The following SPIRE2 variants were observed in gnomAD, a reference collection of about 807,000 sequenced individuals.
SPIRE2 encodes the protein spire type actin nucleation factor 2, also known as protein spire homolog 2.
SPIRE2 carries 76 observed loss-of-function variants against 80.7 expected under a neutral mutation model. The observed-to-expected ratio is 0.94, with a 90% CI of 0.78 to 1.14. SPIRE2 has a LOEUF of 1.14. SPIRE2 is among the 50% of genes most tolerant of loss of function. SPIRE2 has a pLI of 0.00. For synonymous variants in SPIRE2, 535 were observed against 432.6 expected, an observed-to-expected ratio of 1.24 and a Z score of -2.94; for missense variants, 1,196 against 1,015.3, an observed-to-expected ratio of 1.18 and a Z score of -2.42.
At chr16:89,854,164 G>C (rs1044070083) in intron 3 of SPIRE2, 122 bp from the exon 4 acceptor site, 1 of 907,784 alleles carries the variant, frequency 1.1e-6, no homozygotes, top group African/African-American at 1.7e-5. Context: ...ATGCCCAGCT[G>C]TCTCTTTTCC....
chr16:89,855,278 C>T (rs1461606559), intron 5 of SPIRE2, among the ~76,000 whole-genome samples: 1 of 152,150 alleles, frequency 6.6e-6, no homozygotes, highest in African/African-American at 2.4e-5. Context: ...TCATGGAGCC[C>T]TTAGGAGGCG....
intron 10 of SPIRE2, 99 bp downstream of exon 10, chr16:89,860,894 T>TCTG (rs1356716629): frequency 5.7e-5 from 41 of 720,084 alleles, no homozygotes; most frequent in Non-Finnish European, 8.3e-5. Context: ...TCTGAGCACC[T>TCTG]GTCTGGGGGG....
chr16:89,850,159 C>T (rs2041608097), intron 2 of SPIRE2, 145 bp from the exon 3 acceptor site: 2 of 750,102 alleles, frequency 2.7e-6, no homozygotes, highest in African/African-American at 1.7e-5. Flanking sequence ...TCATCCGGTC[C>T]ATGTCTTGCT....
At chr16:89,831,863 G>C (rs1247822990) in intron 1 of SPIRE2, among the ~76,000 whole-genome samples, 2 of 151,250 alleles carry the variant, frequency 1.3e-5, no homozygotes, top group Non-Finnish European at 1.5e-5. Flanking sequence ...CTGGGGTTCT[G>C]CTGTTTCGCA....
chr16:89,828,754 CG>C lies in SPIRE2; in HGVS notation c.208del (p.Asp70ThrfsTer21). On this transcript the variant is annotated frameshift_variant, in exon 1 of 15. Transcript: ENST00000378247. LOFTEE classifies it high-confidence loss of function. This position sits in a 1 kb window ranked among gnomAD's most constrained non-coding sequence, Gnocchi z 5.9. ...LRDTGDLLLR[G>X]DGSVGAREPE... ...GGGATACCGGGGACCTCCTGCTGCG[CG>C]GGGACGGCTCGGTCGGGGCGCGGGA... 1 of 1,205,674 alleles carries C rather than the reference CG, an allele frequency of 8.3e-7. No homozygotes were observed. Among genetic ancestry groups the C allele is most frequent in the Non-Finnish European group, 1.0e-6 (1 of 970,996 alleles). 74.7% of individuals were successfully genotyped at this position (1,205,674 alleles called of 1,614,324 possible).
At chr16:89,853,911 C>A (rs8061474) in intron 3 of SPIRE2, among the ~76,000 whole-genome samples, 1 of 152,264 alleles carries the variant, frequency 6.6e-6, no homozygotes, top group Admixed American at 6.5e-5. Context: ...TCACCCAAGC[C>A]ATGCACAAAG....
chr16:89,856,195 G>A lies in SPIRE2; in HGVS notation c.1061G>A (p.Arg354Gln), dbSNP rs573573061. The change falls in exon 7 of 15, where the codon CGG becomes CAG. Residue 354 changes from arginine to glutamine, a missense_variant. Physicochemically the swap from Arg to Gln is conservative, Grantham distance 43. Coordinates refer to ENST00000378247, the MANE Select transcript of SPIRE2 (RefSeq NM_032451.2). ...ATCCTGGAGGAGATCAAGCAGGAGC[G>A]GAGGCTGCGCCCGGTGCGGGGCGAG... ...EKILEEIKQE[R>Q]RLRPVRGEGW... is the part of the protein sequence containing the mutation. 3.3e-5 allele frequency: 53 copies of A among 1,602,092 alleles called. No homozygotes were observed. Among genetic ancestry groups the A allele is most frequent in the African/African-American group, 2.7e-4 (20 of 74,920 alleles).
chr16:89,831,288 C>T (rs917073944), intron 1 of SPIRE2, among the ~76,000 whole-genome samples: 7 of 150,798 alleles, frequency 4.6e-5, no homozygotes, highest in Non-Finnish European at 1.0e-4. Context: ...TGGGATGGCC[C>T]TTCCTTCCGT....
In SPIRE2 at chr16:89,860,920, C is replaced by T. The variant is rs77989069; in HGVS notation, c.1575+125C>T. ...GTCTGGGGGGTGTGGCCTGAGCGTCCGTCTGGGGGGGCGCGGTCTGAACAT... is the reference window on the plus strand; with the variant it reads ...GTCTGGGGGGTGTGGCCTGAGCGTCTGTCTGGGGGGGCGCGGTCTGAACAT... On this transcript the variant is annotated intron_variant, in intron 10 of 14. Coordinates refer to ENST00000378247, the MANE Select transcript of SPIRE2 (RefSeq NM_032451.2). The T allele has an allele frequency of 1.9e-3, 1,117 of 591,682 alleles. 7 individuals carry two copies. The African/African-American group carries it at 0.02, about 10-fold the overall frequency. The allele number at this position is 591,682 out of a possible 1,614,324, so 36.7% of individuals were successfully genotyped here.
At chr16:89,869,053 A>AATATAT (rs1555601129) in intron 13 of SPIRE2, among the ~76,000 whole-genome samples, 6 of 24,030 alleles carry the variant, frequency 2.5e-4, no homozygotes, top group Admixed American at 1.3e-3. Flanking sequence ...AAAAAAAAAA[A>AATATAT]ATATATATAT....
chr16:89,858,005 C>T (rs1827451595), intron 7 of SPIRE2, among the ~76,000 whole-genome samples: 1 of 150,860 alleles, frequency 6.6e-6, no homozygotes, highest in Non-Finnish European at 1.5e-5. Context: ...GCCTTAGCTT[C>T]CCGAGTAGCT....
intron 7 of SPIRE2, 150 bp downstream of exon 7, chr16:89,856,386 A>G (rs1352539422): frequency 2.8e-6 from 2 of 716,708 alleles, no homozygotes; most frequent in Non-Finnish European, 3.9e-6. Flanking sequence ...TTTGAGGCAC[A>G]CAGGCTTTTG....
Position 89,842,208 on chromosome 16 carries a change from A to ATTTTTTTTTTTTTTTTTT in SPIRE2, c.245-3109_245-3092dup, listed in dbSNP as rs71137682. Among the ~76,000 whole-genome samples, 184 of 81,308 alleles carry ATTTTTTTTTTTTTTTTTT rather than the reference A, an allele frequency of 2.3e-3. 33 individuals carry two copies. Among genetic ancestry groups the ATTTTTTTTTTTTTTTTTT allele is most frequent in the East Asian group, 0.013 (21 of 1,568 alleles). 53.3% of individuals were successfully genotyped at this position (81,308 alleles called of 152,430 possible). ...ATACAATTAGATTCATGAACACGTAATTTTTTTTTTTTTTTTTTTTTTGTG... is the reference window on the plus strand; with the variant it reads ...ATACAATTAGATTCATGAACACGTAATTTTTTTTTTTTTTTTTTTTTTTTTTTTTTTTTTTTTTTTGTG... On this transcript the variant is annotated intron_variant, in intron 1 of 14. Coordinates refer to ENST00000378247, the MANE Select transcript of SPIRE2 (RefSeq NM_032451.2).
chr16:89,869,761 C>T, intron 14 of SPIRE2, 79 bp downstream of exon 14: 4 of 1,083,646 alleles, frequency 3.7e-6, no homozygotes, highest in Non-Finnish European at 5.6e-6. Context: ...GTGGAGGGGG[C>T]TGGCTTTGTC....
At chr16:89,860,399 C>G (rs559284435) in intron 9 of SPIRE2, among the ~76,000 whole-genome samples, 61 of 152,292 alleles carry the variant, frequency 4.0e-4, no homozygotes, top group Admixed American at 2.5e-3. Context: ...GCTAGGACTA[C>G]CGACATGTTT....
chr16:89,868,586 G>T (rs1283979762), intron 13 of SPIRE2, among the ~76,000 whole-genome samples: 1 of 152,090 alleles, frequency 6.6e-6, no homozygotes, highest in Non-Finnish European at 1.5e-5. Flanking sequence ...TATGTCAGCT[G>T]GGCACGGTGG....
intron 12 of SPIRE2, among the ~76,000 whole-genome samples, chr16:89,865,901 G>C (rs1339405147): frequency 6.7e-6 from 1 of 150,048 alleles, no homozygotes; most frequent in Non-Finnish European, 1.5e-5. Context: ...CTGTGAGGTG[G>C]AGGGTGCAGT....
At chr16:89,865,107 C>T (rs2041778124) in intron 12 of SPIRE2, among the ~76,000 whole-genome samples, 2 of 151,618 alleles carry the variant, frequency 1.3e-5, no homozygotes, top group African/African-American at 4.8e-5. Flanking sequence ...CCTGAGTTCC[C>T]ACCATTCTCC....
In SPIRE2 at chr16:89,834,460, G is replaced by A. The variant is rs374335332; in HGVS notation, c.244+5666G>A. Among the ~76,000 whole-genome samples, 856 of 106,220 alleles carry A rather than the reference G, an allele frequency of 8.1e-3. 14 individuals carry two copies. The highest frequency in any genetic ancestry group is 0.055 in the South Asian group (133 of 2,422). 69.7% of individuals were successfully genotyped at this position (106,220 alleles called of 152,430 possible). On this transcript the variant is annotated intron_variant, in intron 1 of 14. Coordinates refer to ENST00000378247, the MANE Select transcript of SPIRE2 (RefSeq NM_032451.2). ...GTAGAAGCCTGGATAAGCATAGCCC[G>A]TGTGAATCTGTGAACCTGCCCGCAC...
Sources: allele counts gnomAD v4.1 joint callset (sites outside exome capture counted in the v4.1 genomes callset), GRCh38; gene constraint gnomAD v4.1.1; non-coding constraint Gnocchi (gnomAD v3.1); transcripts MANE v1.5; gene names NCBI Gene and HGNC (gene_info 2026-07-23, HGNC 2026-07-21).